Variants in RBFOX1 observed in about 807,000 individuals in gnomAD.
RBFOX1 encodes the protein RNA binding protein fox-1 homolog 1.
A neutral mutation model predicts 57.7 loss-of-function variants in RBFOX1; 8 were observed. The ratio of observed to expected loss-of-function variants is 0.14; its 90% CI spans 0.08 to 0.25. The LOEUF is 0.25. RBFOX1 is among the 10% of genes least tolerant of loss of function. The pLI, the probability that RBFOX1 is intolerant of heterozygous loss-of-function variation, is 1.00. For synonymous variants in RBFOX1, 326 were observed against 222.4 expected (o/e 1.47, Z -4.15); for missense variants, 611 against 548.5 (o/e 1.11, Z -1.14).
At chr16:7,347,900 C>T (rs1450769621) in intron 4 of RBFOX1, among the ~76,000 whole-genome samples, 3 of 152,108 alleles carry the variant, frequency 2.0e-5, no homozygotes, top group Non-Finnish European at 4.4e-5. Flanking sequence ...TATTGATAGC[C>T]TTCAGTGCAC....
chr16:5,321,754 C>A (rs1419753439), intron 1 of RBFOX1, among the ~76,000 whole-genome samples: 2 of 152,104 alleles, frequency 1.3e-5, no homozygotes, highest in African/African-American at 4.8e-5. Flanking sequence ...TAAATGGAAA[C>A]CTGGATTGCT....
chr16:6,153,415 T>G (rs1361113714), intron 1 of RBFOX1, among the ~76,000 whole-genome samples: 2 of 152,246 alleles, frequency 1.3e-5, no homozygotes, highest in Non-Finnish European at 2.9e-5. Context: ...ACAATTGCTT[T>G]TTATTACCCT....
intron 4 of RBFOX1, among the ~76,000 whole-genome samples, chr16:5,904,305 G>C (rs17138844): frequency 6.6e-6 from 1 of 151,968 alleles, no homozygotes; most frequent in Non-Finnish European, 1.5e-5. Flanking sequence ...TGTAAGTCAG[G>C]CCAGCAGAAT....
chr16:5,712,549 G>A (rs994388819), intron 3 of RBFOX1, among the ~76,000 whole-genome samples: 11 of 152,196 alleles, frequency 7.2e-5, no homozygotes, highest in African/African-American at 2.7e-4. Flanking sequence ...AGCGGCTGGT[G>A]TTCTAGGGGC....
chr16:7,211,703 G>A (rs1412357922), intron 4 of RBFOX1, among the ~76,000 whole-genome samples: 1 of 152,114 alleles, frequency 6.6e-6, no homozygotes, highest in Non-Finnish European at 1.5e-5. Context: ...GGGGTAATGG[G>A]TGGGTTTCCT....
At position 7,507,008 on chromosome 16, in the gene RBFOX1, C is replaced by A. The variant is rs543489662; in HGVS notation, c.28-11139C>A. 1.1e-4 allele frequency among the ~76,000 whole-genome samples: 17 copies of A among 152,232 alleles called. 1 individual carries two copies. The South Asian group carries it at 2.7e-3, about 24-fold the overall frequency. ...CAGTAGATTTTTCCCTCTAAAGCATCGTAAGAGTCTCACTGTGAAGAATAA... is the reference window on the plus strand; with the variant it reads ...CAGTAGATTTTTCCCTCTAAAGCATAGTAAGAGTCTCACTGTGAAGAATAA... On this transcript the variant is annotated intron_variant, in intron 4 of 15. Coordinates refer to ENST00000550418, the MANE Select transcript of RBFOX1 (RefSeq NM_018723.4).
chr16:7,359,648 C>T (rs552295930), intron 4 of RBFOX1, among the ~76,000 whole-genome samples: 48 of 152,184 alleles, frequency 3.2e-4, no homozygotes, highest in Non-Finnish European at 4.7e-4. Context: ...TACAGCACGT[C>T]TCTCCATCAG....
At chr16:6,462,901 G>C (rs1459493983) in intron 2 of RBFOX1, among the ~76,000 whole-genome samples, 1 of 152,066 alleles carries the variant, frequency 6.6e-6, no homozygotes, top group South Asian at 2.1e-4. Context: ...TACAATATTT[G>C]TTCATTTTCA....
At chr16:7,126,356 T>C in intron 4 of RBFOX1, 1 of 261,296 alleles carries the variant, frequency 3.8e-6, no homozygotes, top group Non-Finnish European at 7.6e-6. Flanking sequence ...GTGGGGGTTT[T>C]TGGTCCCTGT....
intron 1 of RBFOX1, among the ~76,000 whole-genome samples, chr16:6,181,652 T>C (rs1238370242): frequency 1.3e-5 from 2 of 152,146 alleles, no homozygotes; most frequent in African/African-American, 2.4e-5. Context: ...TCCCCACATA[T>C]TCACATTAGA....
chr16:7,083,579 T>C (rs754023775), intron 4 of RBFOX1, among the ~76,000 whole-genome samples: 4 of 152,182 alleles, frequency 2.6e-5, no homozygotes, highest in Non-Finnish European at 5.9e-5. Flanking sequence ...TCAGAGCTTG[T>C]AAGAGAACTC....
chr16:6,708,503 C>T (rs771886448), intron 3 of RBFOX1, among the ~76,000 whole-genome samples: 21 of 152,156 alleles, frequency 1.4e-4, no homozygotes, highest in Admixed American at 6.6e-5. Flanking sequence ...ATTTTCATCA[C>T]GTTCCTCTTG....
At chr16:6,117,887 A>G (rs527285497) in intron 1 of RBFOX1, among the ~76,000 whole-genome samples, 3 of 152,188 alleles carry the variant, frequency 2.0e-5, no homozygotes, top group Non-Finnish European at 4.4e-5. Flanking sequence ...TCCCACCACC[A>G]TGATTAAATA....
chr16:6,749,391 A>G (rs545258891), intron 3 of RBFOX1, among the ~76,000 whole-genome samples: 43 of 152,202 alleles, frequency 2.8e-4, no homozygotes, highest in Admixed American at 1.3e-3. Context: ...TCCTTCCCCC[A>G]AGGAGGCATG....
At chr16:7,180,648 T>G (rs547485726) in intron 4 of RBFOX1, among the ~76,000 whole-genome samples, 9 of 151,796 alleles carry the variant, frequency 5.9e-5, no homozygotes, top group Admixed American at 2.0e-4. Context: ...TTGCAAAAGA[T>G]TTACTTGGGG....
intron 4 of RBFOX1, among the ~76,000 whole-genome samples, chr16:7,343,687 A>C (rs1010396969): frequency 6.6e-6 from 1 of 152,124 alleles, no homozygotes; most frequent in Admixed American, 6.6e-5. Flanking sequence ...AGGGAGGAAA[A>C]AACAGGCAAA....
chr16:6,473,512 C>T (rs2095224372), intron 2 of RBFOX1, among the ~76,000 whole-genome samples: 1 of 152,034 alleles, frequency 6.6e-6, no homozygotes. Flanking sequence ...CTCACTAGAA[C>T]ATAAGCTACA....
At chr16:7,231,451 A>C (rs1450362477) in intron 4 of RBFOX1, among the ~76,000 whole-genome samples, 2 of 152,200 alleles carry the variant, frequency 1.3e-5, no homozygotes, top group Non-Finnish European at 2.9e-5. Context: ...CAGCTCATTT[A>C]TCATCCTAAC....
chr16:6,433,169 A>G (rs1218599966), intron 2 of RBFOX1, among the ~76,000 whole-genome samples: 6 of 152,216 alleles, frequency 3.9e-5, no homozygotes, highest in East Asian at 1.9e-4. Flanking sequence ...ACATGGGGCT[A>G]TGGATACAGT....
Sources: allele counts gnomAD v4.1 joint callset (sites outside exome capture counted in the v4.1 genomes callset), GRCh38; gene constraint gnomAD v4.1.1; transcripts MANE v1.5; gene names NCBI Gene and HGNC (gene_info 2026-07-23, HGNC 2026-07-21).